Variants in CACNA2D1 observed in about 807,000 individuals in gnomAD.
CACNA2D1 encodes the protein calcium voltage-gated channel auxiliary subunit alpha2delta 1.
Under a neutral mutation model 171.5 loss-of-function variants are expected in CACNA2D1, and 53 were observed. The ratio of observed to expected loss-of-function variants is 0.31; its 90% CI spans 0.25 to 0.39. The LOEUF (loss-of-function observed/expected upper bound fraction) is 0.39, where lower values mean the gene tolerates loss of function less well. CACNA2D1 is among the 10% of genes least tolerant of loss of function. The pLI, the probability that CACNA2D1 is intolerant of heterozygous loss-of-function variation, is 1.00. For missense variants in CACNA2D1, 903 were observed against 1,299.8 expected, an observed-to-expected ratio of 0.69 and a Z score of 4.69; for synonymous variants, 442 against 443.1, an observed-to-expected ratio of 1.00 and a Z score of 0.03.
intron 3 of CACNA2D1, among the ~76,000 whole-genome samples, chr7:82,195,303 C>T (rs1798737475): frequency 6.6e-6 from 1 of 151,804 alleles, no homozygotes; most frequent in Admixed American, 6.6e-5. Context: ...TAAGGTAACA[C>T]TTCATGTAAA....
chr7:82,251,598 G>A (rs17176546), intron 3 of CACNA2D1, among the ~76,000 whole-genome samples: 4,290 of 152,102 alleles, frequency 0.028, 88 homozygotes, highest in Non-Finnish European at 0.042. Flanking sequence ...GGACAATATG[G>A]GTGTGAAAGG....
intron 24 of CACNA2D1, among the ~76,000 whole-genome samples, chr7:81,982,338 C>T (rs1796523584): frequency 6.6e-6 from 1 of 152,226 alleles, no homozygotes; most frequent in Admixed American, 6.5e-5. Context: ...CCATGTTGGC[C>T]AGATGGTCTT....
At chr7:81,981,577 G>A (rs1260539381) in intron 24 of CACNA2D1, among the ~76,000 whole-genome samples, 2 of 152,128 alleles carry the variant, frequency 1.3e-5, no homozygotes, top group South Asian at 2.1e-4. Flanking sequence ...TAAGAAAAGT[G>A]AAAAATTAAC....
intron 21 of CACNA2D1, among the ~76,000 whole-genome samples, chr7:81,986,354 C>T (rs753150838): frequency 1.1e-3 from 166 of 150,704 alleles, no homozygotes; most frequent in South Asian, 5.0e-3. Flanking sequence ...ATGTGTAGAT[C>T]CTTTAATTAA....
At chr7:82,173,937 G>C (rs548779861) in intron 3 of CACNA2D1, among the ~76,000 whole-genome samples, 1 of 151,114 alleles carries the variant, frequency 6.6e-6, no homozygotes, top group East Asian at 2.0e-4. Context: ...CAGCTACTCA[G>C]GGGGCTGAGG....
rs370103843 is a variant in CACNA2D1 at position 82,066,526 on chromosome 7, TAAAA to T, written c.659-6_659-3del. On this transcript the variant is annotated splice_region_variant and splice_polypyrimidine_tract_variant and intron_variant, in intron 7 of 38. Coordinates refer to ENST00000356860, the MANE Select transcript of CACNA2D1 (RefSeq NM_000722.4). ...TACTATTATCAACCCATGGTGAAGC[TAAAA>T]AAAAAAAAAAAAGAGAGATATTAAA... is the stretch of plus-strand genomic sequence containing the variant. The T allele has an allele frequency of 2.6e-4, 370 of 1,445,984 alleles. No homozygotes were observed. Among genetic ancestry groups the T allele is most frequent in the Admixed American group, 1.1e-3 (46 of 40,356 alleles). The allele number at this position is 1,445,984 out of a possible 1,614,324, so 89.6% of individuals were successfully genotyped here. A position where few individuals can be genotyped will look rare whatever the true frequency, so the allele number is the denominator to read the frequency against.
rs1234211802 is a variant in CACNA2D1 at position 81,968,876 on chromosome 7, T to G, written c.2395+11A>C. ...TTTGATTGTGTTTTTGTATTTAATA[T>G]TTATCCTTACCTGCAGGTTTAAGAA... On this transcript the variant is annotated intron_variant, in intron 29 of 38. Coordinates refer to ENST00000356860, the MANE Select transcript of CACNA2D1 (RefSeq NM_000722.4). The G allele has an allele frequency of 7.5e-7, 1 of 1,325,372 alleles. No individual in the cohort carries two copies. Among genetic ancestry groups the G allele is most frequent in the Non-Finnish European group, 1.1e-6 (1 of 919,218 alleles). 82.1% of individuals were successfully genotyped at this position (1,325,372 alleles called of 1,614,324 possible).
intron 12 of CACNA2D1, chr7:82,029,988 G>A (rs561705631): frequency 6.6e-4 from 101 of 151,900 alleles, no homozygotes; most frequent in African/African-American, 2.2e-3. Context: ...CACAGCATCA[G>A]TATGTTAGCA....
intron 12 of CACNA2D1, among the ~76,000 whole-genome samples, chr7:82,017,098 T>C (rs1289288652): frequency 6.6e-6 from 1 of 152,130 alleles, no homozygotes; most frequent in Non-Finnish European, 1.5e-5. Flanking sequence ...TACGTATATG[T>C]ATGTATATAT....
chr7:81,995,900 A>G (rs1033785583), intron 19 of CACNA2D1, among the ~76,000 whole-genome samples: 4 of 152,076 alleles, frequency 2.6e-5, no homozygotes, highest in African/African-American at 4.8e-5. Flanking sequence ...TTATAACTCA[A>G]CCAGTGATTT....
chr7:82,316,601 C>T lies in CACNA2D1; in HGVS notation c.294+18534G>A, dbSNP rs913846107. Among the ~76,000 whole-genome samples the T allele has an allele frequency of 2.6e-5, 4 of 152,232 alleles. 1 individual carries two copies. The highest frequency in any genetic ancestry group is 5.9e-5 in the Non-Finnish European group (4 of 67,996). On this transcript the variant is annotated intron_variant, in intron 3 of 38. Transcript: ENST00000356860. Reference sequence around the variant, plus strand: ...AAAACTAAAGCTATTCAATCAGTAGCTAACATATAAATCAAAATATCTGTA... The same window carrying T: ...AAAACTAAAGCTATTCAATCAGTAGTTAACATATAAATCAAAATATCTGTA...
chr7:82,360,104 CCATGATCTGATTCATGGTT>C (rs1012807444), intron 1 of CACNA2D1, among the ~76,000 whole-genome samples: 2 of 152,112 alleles, frequency 1.3e-5, no homozygotes, highest in Non-Finnish European at 2.9e-5. Flanking sequence ...CTAACTGGTG[CCATGATCTGATTCATGGTT>C]TGGTTTTCAT....
chr7:82,147,769 T>C (rs1187229847), intron 4 of CACNA2D1, among the ~76,000 whole-genome samples: 1 of 152,172 alleles, frequency 6.6e-6, no homozygotes, highest in Non-Finnish European at 1.5e-5. Flanking sequence ...AACACTATGG[T>C]CAGTGAATAA....
At chr7:82,012,713 G>A (rs941015244) in intron 14 of CACNA2D1, among the ~76,000 whole-genome samples, 4 of 152,030 alleles carry the variant, frequency 2.6e-5, no homozygotes, top group Non-Finnish European at 5.9e-5. Flanking sequence ...GAAATACTGT[G>A]CCAAATCTAG....
At chr7:82,443,844 G>GGGCGGA (rs1830696835), upstream of CACNA2D1, 2 of 521,872 alleles carry the variant, frequency 3.8e-6, no homozygotes, top group African/African-American at 4.0e-5. Flanking sequence ...GCGGGGGCGG[G>GGGCGGA]GGCGGAGGAG....
intron 38 of CACNA2D1, among the ~76,000 whole-genome samples, chr7:81,956,780 G>T (rs115387033): frequency 1.3e-5 from 2 of 151,978 alleles, no homozygotes; most frequent in Non-Finnish European, 2.9e-5. Context: ...CAAACACAAC[G>T]AAAGTGCGTG....
intron 21 of CACNA2D1, among the ~76,000 whole-genome samples, chr7:81,987,385 A>G (rs965030941): frequency 6.6e-6 from 1 of 152,212 alleles, no homozygotes; most frequent in Non-Finnish European, 1.5e-5. Context: ...GATGAATAGT[A>G]TAGCCCAGGC....
intron 1 of CACNA2D1, among the ~76,000 whole-genome samples, chr7:82,381,864 G>A (rs761326359): frequency 2.4e-4 from 37 of 151,870 alleles, no homozygotes; most frequent in African/African-American, 7.5e-4. Flanking sequence ...AAACAACCCC[G>A]GCCTCTTATT....
At chr7:81,995,821 G>A (rs1380918979) in intron 19 of CACNA2D1, among the ~76,000 whole-genome samples, 1 of 143,768 alleles carries the variant, frequency 7.0e-6, no homozygotes, top group Non-Finnish European at 1.5e-5. Flanking sequence ...AAAAAAAAGT[G>A]CAAGGTTACA....
Sources: gnomAD v4.1 joint callset for allele counts (sites outside exome capture counted in the v4.1 genomes callset) on GRCh38, gnomAD v4.1.1 for gene constraint, MANE v1.5 for transcripts, NCBI Gene and HGNC (gene_info 2026-07-23, HGNC 2026-07-21) for gene names.